The following CNTN4 variants were observed in gnomAD, a reference collection of about 807,000 sequenced individuals.
CNTN4 encodes the protein contactin 4.
Under a neutral mutation model 122.5 loss-of-function variants are expected in CNTN4, and 77 were observed. The ratio of observed to expected loss-of-function variants is 0.63; its 90% CI spans 0.52 to 0.76. CNTN4 has a LOEUF of 0.76. Among genes scored for constraint, CNTN4 ranks in the 30% least tolerant of loss-of-function variants. CNTN4 has a pLI of 0.00. For synonymous variants in CNTN4, 512 were observed against 447.0 expected (o/e 1.15, Z -1.83); for missense variants, 1,256 against 1,259.1 (o/e 1.00, Z 0.04).
chr3:2,378,299 A>G (rs1232576830), intron 3 of CNTN4, among the ~76,000 whole-genome samples: 1 of 152,204 alleles, frequency 6.6e-6, no homozygotes, highest in Non-Finnish European at 1.5e-5. Flanking sequence ...GGCCTTCCCA[A>G]ATTCTGGACA....
At chr3:2,688,468 T>C (rs2085554812) in intron 4 of CNTN4, among the ~76,000 whole-genome samples, 1 of 152,228 alleles carries the variant, frequency 6.6e-6, no homozygotes, top group African/African-American at 2.4e-5. Flanking sequence ...ATTGCAAATA[T>C]GTGTATACAC....
chr3:2,706,348 T>C (rs951061593), intron 4 of CNTN4, among the ~76,000 whole-genome samples: 2 of 152,096 alleles, frequency 1.3e-5, no homozygotes, highest in African/African-American at 4.8e-5. Flanking sequence ...AATAGTAGCA[T>C]GATTACATAA....
At chr3:2,950,861 A>G (rs7643747) in intron 13 of CNTN4, among the ~76,000 whole-genome samples, 12,485 of 152,292 alleles carry the variant, frequency 0.082, 607 homozygotes, top group Non-Finnish European at 0.1. Flanking sequence ...TTTGTGTCCT[A>G]TACTAGACCT....
intron 8 of CNTN4, among the ~76,000 whole-genome samples, chr3:2,872,417 G>C (rs955537797): frequency 6.6e-6 from 1 of 151,484 alleles, no homozygotes; most frequent in East Asian, 1.9e-4. Flanking sequence ...CTTTTTTTCT[G>C]TTTTCCTGGA....
chr3:2,861,200 C>T (rs539121310), intron 7 of CNTN4, among the ~76,000 whole-genome samples: 7 of 152,124 alleles, frequency 4.6e-5, no homozygotes, highest in East Asian at 1.9e-4. Flanking sequence ...GATTAAATCC[C>T]GAAGCCAAGA....
chr3:2,172,616 G>A (rs1049723608), intron 2 of CNTN4, among the ~76,000 whole-genome samples: 1 of 152,186 alleles, frequency 6.6e-6, no homozygotes, highest in African/African-American at 2.4e-5. Context: ...TTAATACTTG[G>A]TTAAGTAGAC....
intron 9 of CNTN4, among the ~76,000 whole-genome samples, chr3:2,884,667 A>T (rs1451622069): frequency 2.6e-5 from 4 of 152,314 alleles, no homozygotes; most frequent in Non-Finnish European, 5.9e-5. Context: ...GAAATTAAAG[A>T]TGAGAGCAGG....
intron 4 of CNTN4, among the ~76,000 whole-genome samples, chr3:2,681,440 T>C (rs73805386): frequency 0.026 from 3,956 of 152,272 alleles, 173 homozygotes; most frequent in African/African-American, 0.09. Flanking sequence ...GATCAGGAGA[T>C]GACTTAGAGA....
intron 3 of CNTN4, among the ~76,000 whole-genome samples, chr3:2,529,780 G>T (rs915237734): frequency 1.3e-5 from 2 of 152,006 alleles, no homozygotes; most frequent in Non-Finnish European, 2.9e-5. Context: ...ATGATGAGGA[G>T]GAGGAGGAGG....
rs1326274944 is a variant in CNTN4 at position 2,230,522 on chromosome 3, TC to T, written c.-144-108653del. On this transcript the variant is annotated intron_variant, in intron 2 of 24. Transcript: ENST00000418658. ...CCACATAATGGGATTGCACCAGCCT[TC>T]CCATGCCCAGTGAAGATAGGATTGT... is the stretch of plus-strand genomic sequence containing the variant. Among the ~76,000 whole-genome samples the T allele has an allele frequency of 3.3e-5, 5 of 152,274 alleles. No homozygotes were observed. In the East Asian group the frequency reaches 9.7e-4, roughly 29 times the overall value.
At chr3:2,138,125 G>A (rs1480191780) in intron 2 of CNTN4, among the ~76,000 whole-genome samples, 1 of 149,412 alleles carries the variant, frequency 6.7e-6, no homozygotes, top group Admixed American at 6.7e-5. Context: ...GAAGTGCAGT[G>A]GCACGATCTC....
chr3:3,022,288 T>A (rs1257743814), intron 14 of CNTN4, among the ~76,000 whole-genome samples: 1 of 152,136 alleles, frequency 6.6e-6, no homozygotes, highest in Non-Finnish European at 1.5e-5. Context: ...TGGTGTTGCA[T>A]GCCTCTAGTC....
At chr3:2,981,929 C>T (rs7635500) in intron 13 of CNTN4, among the ~76,000 whole-genome samples, 29,140 of 151,678 alleles carry the variant, frequency 0.19, 3,395 homozygotes, top group African/African-American at 0.32. Flanking sequence ...GCCTAGCTAT[C>T]AGGGAGGCTG....
chr3:2,248,647 T>C (rs2040246441), intron 2 of CNTN4, among the ~76,000 whole-genome samples: 1 of 152,026 alleles, frequency 6.6e-6, no homozygotes, highest in South Asian at 2.1e-4. Flanking sequence ...TTAACAAATA[T>C]GTTTTTTGCC....
chr3:2,526,059 C>A (rs1372012593), intron 3 of CNTN4, among the ~76,000 whole-genome samples: 2 of 152,104 alleles, frequency 1.3e-5, no homozygotes, highest in African/African-American at 4.8e-5. Flanking sequence ...GGTAGTGTGA[C>A]TGCAGTATAT....
At chr3:2,240,825 A>T (rs114759610) in intron 2 of CNTN4, among the ~76,000 whole-genome samples, 3 of 152,086 alleles carry the variant, frequency 2.0e-5, no homozygotes, top group Admixed American at 6.5e-5. Flanking sequence ...TGTTCTTTGC[A>T]TATCTTATTT....
intron 6 of CNTN4, among the ~76,000 whole-genome samples, chr3:2,776,794 G>C (rs116239397): frequency 1.3e-5 from 2 of 152,134 alleles, no homozygotes; most frequent in Non-Finnish European, 2.9e-5. Context: ...TGAGCCCGTA[G>C]AGTACAAAGT....
At chr3:2,422,299 A>G (rs1391049561) in intron 3 of CNTN4, among the ~76,000 whole-genome samples, 1 of 152,210 alleles carries the variant, frequency 6.6e-6, no homozygotes, top group East Asian at 1.9e-4. Context: ...TTTCCATGGT[A>G]GAAACACAGT....
chr3:2,141,716 A>T (rs980041841), intron 2 of CNTN4, among the ~76,000 whole-genome samples: 7 of 152,138 alleles, frequency 4.6e-5, no homozygotes, highest in Non-Finnish European at 8.8e-5. Flanking sequence ...TGTCAAACTG[A>T]TAACTACATA....
Sources: gnomAD v4.1 joint callset for allele counts (sites outside exome capture counted in the v4.1 genomes callset) on GRCh38, gnomAD v4.1.1 for gene constraint, MANE v1.5 for transcripts, NCBI Gene and HGNC (gene_info 2026-07-23, HGNC 2026-07-21) for gene names.